Variants in KRT71 observed in about 807,000 individuals in gnomAD.
The protein encoded by KRT71 is keratin 71.
In KRT71, 42 loss-of-function variants were observed where a neutral mutation model predicts 46.2. The observed-to-expected ratio is 0.91, with a 90% CI of 0.71 to 1.18. The LOEUF (loss-of-function observed/expected upper bound fraction) is 1.18, where lower values mean the gene tolerates loss of function less well. Ranked by LOEUF, KRT71 falls within the 50% of genes most tolerant of loss-of-function variation. The pLI, the probability that KRT71 is intolerant of heterozygous loss-of-function variation, is 0.00. For missense variants in KRT71, 708 were observed against 677.9 expected, an observed-to-expected ratio of 1.04 and a Z score of -0.49; for synonymous variants, 292 against 277.8, an observed-to-expected ratio of 1.05 and a Z score of -0.51.
chr12:52,546,075 T>C (rs1358290111), intron 7 of KRT71, among the ~76,000 whole-genome samples: 1 of 151,980 alleles, frequency 6.6e-6, no homozygotes, highest in Non-Finnish European at 1.5e-5. Flanking sequence ...CTACATAGCA[T>C]AGTGCCTGCC....
intron 1 of KRT71, among the ~76,000 whole-genome samples, chr12:52,552,251 G>T (rs1419463818): frequency 2.6e-5 from 4 of 152,250 alleles, no homozygotes; most frequent in Admixed American, 2.6e-4. Context: ...CTGGGCAAGT[G>T]ACCAGTGGGC....
chr12:52,546,413 C>G lies in KRT71; in HGVS notation c.1198G>C (p.Ala400Pro). Residue 400 changes from alanine (A) to proline (P), a missense_variant, in exon 7 of 9, where the codon GCC becomes CCC. Physicochemically the swap from Ala to Pro is conservative, Grantham distance 27. Coordinates refer to ENST00000267119, the MANE Select transcript of KRT71 (RefSeq NM_033448.3). The stretch of plus-strand genomic sequence containing the variant: ...AGCTCCTCCTTGGCCTGGTGCAGGG[C>G]GCCCTCCAGCTCGTCCAGCTTGGCC... ...ARAKLDELEG[A>P]LHQAKEELAR... is the part of the protein sequence containing the mutation. 1 of 1,614,206 alleles carries G rather than the reference C, an allele frequency of 6.2e-7. No individual in the cohort carries two copies. The highest frequency in any genetic ancestry group is 1.6e-4 in the Middle Eastern group (1 of 6,062).
At chr12:52,552,499 G>C in intron 1 of KRT71, 138 bp downstream of exon 1, 1 of 860,264 alleles carries the variant, frequency 1.2e-6, no homozygotes, top group Non-Finnish European at 1.8e-6. Flanking sequence ...TCACCCTGTT[G>C]ATGGGATGTA....
chr12:52,546,467 G>C lies in KRT71; in HGVS notation c.1144C>G (p.Arg382Gly). The C allele has an allele frequency of 6.2e-7, 1 of 1,614,150 alleles. No individual in the cohort carries two copies. ...LETAIADAEQ[R>G]GDNALKDARA... ...GCATCCTTCAGGGCGTTGTCTCCCC[G>C]CTGCTCAGCATCAGCGATGGCTGTC... Residue 382 changes from arginine (R) to glycine (G), a missense_variant, in exon 7 of 9, where the codon CGG (arginine) becomes GGG (glycine). Transcript: ENST00000267119.
chr12:52,547,225 G>A (rs1318468143), intron 6 of KRT71, among the ~76,000 whole-genome samples: 1 of 152,148 alleles, frequency 6.6e-6, no homozygotes, highest in African/African-American at 2.4e-5. Context: ...TAACAACAGC[G>A]AGGGCAACTG....
In KRT71 at chr12:52,549,285, C is replaced by T. The variant is rs753712246; in HGVS notation, c.717+8G>A. ...GCCCCCGGGACTCAGGGCCTGCCTT[C>T]CCCTCACCTTCTTGAGCAGCACAAA... On this transcript the variant is annotated splice_region_variant and intron_variant, in intron 3 of 8. Transcript: ENST00000267119. 3 of 1,612,026 alleles carry T rather than the reference C, an allele frequency of 1.9e-6. No individual in the cohort carries two copies. The highest frequency in any genetic ancestry group is 2.5e-6 in the Non-Finnish European group (3 of 1,178,256).
Position 52,544,692 on chromosome 12 carries a change from A to G in KRT71, c.1412T>C (p.Met471Thr), listed in dbSNP as rs1939028655. The G allele has an allele frequency of 1.2e-6, 2 of 1,613,514 alleles. No individual in the cohort carries two copies. The change falls in exon 9 of 9, where the codon ATG (methionine) becomes ACG (threonine). Residue 471 changes from methionine (M) to threonine (T), a missense_variant. Coordinates refer to ENST00000267119, the MANE Select transcript of KRT71 (RefSeq NM_033448.3). ...GGSVYGFRPS[M>T]VSGGYVANSS... ...GTTGGCCACATAGCCACCGCTGACC[A>G]TGCTGGGCCGGAAGCCATAGACACT... is the stretch of plus-strand genomic sequence containing the variant.
Position 52,547,951 on chromosome 12 carries a change from T to C in KRT71, c.1010A>G (p.His337Arg). ...CTTGGTGTTTTTGAGGTCGTCCCCA[T>C]GCCTGCCAGCTGCCAGCTGAAGCTC... ...FQELQLAAGR[H>R]GDDLKNTKNE... Residue 337 changes from histidine (H) to arginine (R), a missense_variant, in exon 6 of 9, where the codon CAT becomes CGT. By Grantham distance (29) the His-to-Arg change is conservative. Coordinates refer to ENST00000267119, the MANE Select transcript of KRT71 (RefSeq NM_033448.3). 6.2e-7 allele frequency: 1 copy of C among 1,614,236 alleles called. No homozygotes were observed.
In KRT71 at chr12:52,545,623, AGAG is replaced by A. The variant is rs10580903; in HGVS notation, c.1326-27_1326-25del. On this transcript the variant is annotated intron_variant, in intron 7 of 8. Transcript: ENST00000267119. Reference sequence around the variant, plus strand: ...TCCTATTAAGGAGAGAAATAAAATAAGAGGAGAAGAGAAGTCATCCAGCTCAGT... The same window carrying A: ...TCCTATTAAGGAGAGAAATAAAATAAGAGAAGAGAAGTCATCCAGCTCAGT... 0.46 allele frequency: 644,469 copies of A among 1,407,300 alleles called. 157,021 individuals carry two copies. The highest frequency in any genetic ancestry group is 0.54 in the Middle Eastern group (3,037 of 5,618). 87.2% of individuals were successfully genotyped at this position (1,407,300 alleles called of 1,614,324 possible). A position where few individuals can be genotyped will look rare whatever the true frequency, so the allele number is the denominator to read the frequency against.
intron 4 of KRT71, 145 bp from the exon 5 acceptor site, chr12:52,548,461 G>A: frequency 2.0e-6 from 2 of 994,610 alleles, no homozygotes. Context: ...GTGCTTTGCG[G>A]CAAAGCAAGT....
At position 52,550,337 on chromosome 12, in the gene KRT71, C is replaced by A. The variant is rs989225325; in HGVS notation, c.442-94G>T. ...TGTGTAAAGCTTCTATCTGCATTTTCTCCTCAATAGAGCTGAAAGAGGTGG... is the reference window on the plus strand; with the variant it reads ...TGTGTAAAGCTTCTATCTGCATTTTATCCTCAATAGAGCTGAAAGAGGTGG... On this transcript the variant is annotated intron_variant, in intron 1 of 8. Transcript: ENST00000267119. The A allele has an allele frequency of 1.1e-5, 16 of 1,449,070 alleles. No homozygotes were observed. The African/African-American group carries it at 2.1e-4, about 19-fold the overall frequency. The allele number at this position is 1,449,070 out of a possible 1,614,324, so 89.8% of individuals were successfully genotyped here.
intron 1 of KRT71, among the ~76,000 whole-genome samples, chr12:52,550,526 C>A (rs1939151931): frequency 1.3e-5 from 2 of 152,186 alleles, no homozygotes; most frequent in African/African-American, 2.4e-5. Context: ...ATGGTTGCAC[C>A]AACTCAGGGC....
chr12:52,552,198 A>G (rs1000520681), intron 1 of KRT71, among the ~76,000 whole-genome samples: 4 of 152,230 alleles, frequency 2.6e-5, no homozygotes, highest in African/African-American at 9.6e-5. Context: ...CAAATGCCCA[A>G]TCAGAGGGCC....
intron 8 of KRT71, among the ~76,000 whole-genome samples, chr12:52,545,340 C>A (rs1939040523): frequency 6.6e-6 from 1 of 152,192 alleles, no homozygotes; most frequent in Non-Finnish European, 1.5e-5. Flanking sequence ...CCATTGCTGC[C>A]ATCCCCTAGG....
chr12:52,545,059 C>T (rs528530948), intron 8 of KRT71, among the ~76,000 whole-genome samples: 2 of 152,304 alleles, frequency 1.3e-5, no homozygotes, highest in South Asian at 2.1e-4. Context: ...GCTAAACTTC[C>T]CAGCCTCTAA....
chr12:52,551,887 TC>T (rs1345218232), intron 1 of KRT71, among the ~76,000 whole-genome samples: 1 of 152,142 alleles, frequency 6.6e-6, no homozygotes, highest in Non-Finnish European at 1.5e-5. Flanking sequence ...CCCCTGAGCT[TC>T]CCTCCCCCAC....
chr12:52,550,667 G>A (rs1195413078), intron 1 of KRT71, among the ~76,000 whole-genome samples: 1 of 152,218 alleles, frequency 6.6e-6, no homozygotes, highest in Non-Finnish European at 1.5e-5. Flanking sequence ...TGGGCCAAGG[G>A]CTTCTAGGTA....
In KRT71 at chr12:52,553,084, G is replaced by C. The variant is rs775385284; in HGVS notation, c.-7C>G. On this transcript the variant is annotated 5_prime_UTR_variant, in exon 1 of 9. Transcript: ENST00000267119. ...AGGTGAATTGGCGGCTCATGTTGCT[G>C]GTGGAGACAAAGCTCAGATGCAGGA... 12 of 1,566,010 alleles carry C rather than the reference G, an allele frequency of 7.7e-6. No individual in the cohort carries two copies. The highest frequency in any genetic ancestry group is 2.2e-5 in the East Asian group (1 of 44,476).
chr12:52,547,113 G>A lies in KRT71; in HGVS notation c.1105-607C>T, dbSNP rs531496854. Among the ~76,000 whole-genome samples the A allele has an allele frequency of 2.2e-4, 33 of 152,314 alleles. No homozygotes were observed. The South Asian group carries it at 6.8e-3, about 32-fold the overall frequency. On this transcript the variant is annotated intron_variant, in intron 6 of 8. Transcript: ENST00000267119. The stretch of plus-strand genomic sequence containing the variant: ...TAAAGCCCACAAAAGAATAGAAGGA[G>A]CACTGGACTAGGAGTCAGGAGACCT...
Sources: gnomAD v4.1 joint callset for allele counts (sites outside exome capture counted in the v4.1 genomes callset) on GRCh38, gnomAD v4.1.1 for gene constraint, MANE v1.5 for transcripts, NCBI Gene and HGNC (gene_info 2026-07-23, HGNC 2026-07-21) for gene names.